TPH1: variants seen among roughly 807,000 people sequenced by gnomAD.
The protein encoded by TPH1 is tryptophan 5-hydroxylase 1.
A neutral mutation model predicts 49.5 loss-of-function variants in TPH1; 37 were observed. The observed-to-expected ratio is 0.75, with a 90% CI of 0.58 to 0.98. The LOEUF (loss-of-function observed/expected upper bound fraction) is 0.98. TPH1 is among the 50% of genes least tolerant of loss of function. TPH1 has a pLI of 0.00. For synonymous variants in TPH1, 160 were observed against 182.1 expected (o/e 0.88, Z 0.98); for missense variants, 487 against 523.6 (o/e 0.93, Z 0.68).
rs371274465 is a variant in TPH1 at position 18,026,533 on chromosome 11, G to C, written c.760C>G (p.Gln254Glu). The C allele has an allele frequency of 1.4e-5, 23 of 1,612,756 alleles. No individual in the cohort carries two copies. The highest frequency in any genetic ancestry group is 1.8e-5 in the Non-Finnish European group (21 of 1,179,414). Residue 254 changes from glutamine to glutamate, a missense_variant, in exon 7 of 11, where the codon CAA becomes GAA. Gln to Glu is a conservative substitution (Grantham distance 29). Transcript: ENST00000682019. ...GGATCTGAACTGTGTCTCACATATT[G>C]AGTGCAGTGAAAAACTCGAAAGGCT... is the stretch of plus-strand genomic sequence containing the variant. ...GLAFRVFHCTQYVRHSSDPFY... is the reference protein window; with the variant it reads ...GLAFRVFHCTEYVRHSSDPFY...
At chr11:18,026,416 A>G in intron 7 of TPH1, 74 bp downstream of exon 7, 1 of 1,239,418 alleles carries the variant, frequency 8.1e-7, no homozygotes, top group Non-Finnish European at 1.1e-6. Flanking sequence ...AAAAAAAAAA[A>G]AGAACCCATA....
At chr11:18,021,387 T>A (rs1344189137) in intron 10 of TPH1, among the ~76,000 whole-genome samples, 2 of 152,174 alleles carry the variant, frequency 1.3e-5, no homozygotes, top group Non-Finnish European at 2.9e-5. Context: ...TATAAGTACT[T>A]TACATTATAA....
In TPH1 at chr11:18,022,826, T is replaced by A. The variant is rs1246205105; in HGVS notation, c.1132A>T (p.Ser378Cys). 56 of 1,613,340 alleles carry A rather than the reference T, an allele frequency of 3.5e-5. No homozygotes were observed. In the Admixed American group the frequency reaches 8.5e-4, roughly 25 times the overall value. ...ATCTTCTCCTTTGCATCTTCAAAAC[T>A]TTCAGATACAAAGTAGACATCTTGA... Reference protein sequence around the residue: ...TFQDVYFVSESFEDAKEKMRE... With the variant: ...TFQDVYFVSECFEDAKEKMRE... Residue 378 changes from serine (S) to cysteine (C), a missense_variant, in exon 10 of 11, where the codon AGT becomes TGT. Transcript: ENST00000682019.
rs1251488461 is a variant in TPH1, at chr11:18,019,087, T to TA, written c.*1903dup. The TA allele has an allele frequency of 2.0e-5, 3 of 152,330 alleles. No homozygotes were observed. Among genetic ancestry groups the TA allele is most frequent in the Non-Finnish European group, 4.4e-5 (3 of 68,138 alleles). 9.4% of individuals were successfully genotyped at this position (152,330 alleles called of 1,614,324 possible). A position where few individuals can be genotyped will look rare whatever the true frequency, so the allele number is the denominator to read the frequency against. On this transcript the variant is annotated 3_prime_UTR_variant, in exon 11 of 11. Coordinates refer to ENST00000682019, the MANE Select transcript of TPH1 (RefSeq NM_004179.3). The stretch of plus-strand genomic sequence containing the variant: ...ATCTATTTACCATCAAATGTATACT[T>TA]AAGAGTTGATTAGCTATTAAAATGT...
intron 2 of TPH1, among the ~76,000 whole-genome samples, chr11:18,038,527 C>A (rs1282182474): frequency 1.3e-5 from 2 of 152,094 alleles, no homozygotes; most frequent in Non-Finnish European, 2.9e-5. Context: ...AACATGAGAG[C>A]AGCTCTCTAT....
chr11:18,033,366 T>A lies in TPH1; in HGVS notation c.310A>T (p.Thr104Ser). 1 of 1,609,854 alleles carries A rather than the reference T, an allele frequency of 6.2e-7. No individual in the cohort carries two copies. Among genetic ancestry groups the A allele is most frequent in the Non-Finnish European group, 8.5e-7 (1 of 1,176,596 alleles). ...ATCTTCTTTGGAAACCAAGGAACAG[T>A]TTCCATACCTGTAAAATTTAAAATA... ...NFTLKEDGMETVPWFPKKISD... is the reference protein window; with the variant it reads ...NFTLKEDGMESVPWFPKKISD... The change falls in exon 4 of 11, where the codon ACT (threonine) becomes TCT (serine). Residue 104 changes from threonine (T) to serine (S), a missense_variant. Physicochemically the swap from Thr to Ser is moderately conservative, Grantham distance 58 (BLOSUM62 1). Coordinates refer to ENST00000682019, the MANE Select transcript of TPH1 (RefSeq NM_004179.3).
intron 7 of TPH1, 61 bp downstream of exon 7, chr11:18,026,429 G>A: frequency 8.1e-7 from 1 of 1,231,870 alleles, no homozygotes; most frequent in African/African-American, 1.6e-5. Flanking sequence ...AACCCATAAG[G>A]TAGATGCCAT....
At chr11:18,043,603 A>AAAAAAC (rs1214543021) in intron 1 of TPH1, among the ~76,000 whole-genome samples, 1 of 150,236 alleles carries the variant, frequency 6.7e-6, no homozygotes, top group African/African-American at 2.5e-5. Context: ...ACTCCGTCTC[A>AAAAAAC]AAAAACAAAA....
Position 18,020,884 on chromosome 11 carries a change from G to C in TPH1, c.*107C>G. 9.5e-7 allele frequency: 1 copy of C among 1,047,474 alleles called. No individual in the cohort carries two copies. 64.9% of individuals were successfully genotyped at this position (1,047,474 alleles called of 1,614,324 possible). ...TTAAGTAGTGGAATTCGATAATATT[G>C]TTTGGCCAGAAGATGCTGTCCCTCC... On this transcript the variant is annotated 3_prime_UTR_variant, in exon 11 of 11. Coordinates refer to ENST00000682019, the MANE Select transcript of TPH1 (RefSeq NM_004179.3).
Position 18,026,479 on chromosome 11 carries a change from G to C in TPH1, c.803+11C>G. The C allele has an allele frequency of 6.4e-7, 1 of 1,567,540 alleles. No individual in the cohort carries two copies. Among genetic ancestry groups the C allele is most frequent in the Non-Finnish European group, 8.7e-7 (1 of 1,151,408 alleles). ...ATTTGATGAATTCCTGGCTGAAATA[G>C]AAGTACTTACGGCTCTGGGGTATAG... On this transcript the variant is annotated intron_variant, in intron 7 of 10. Coordinates refer to ENST00000682019, the MANE Select transcript of TPH1 (RefSeq NM_004179.3).
intron 6 of TPH1, 125 bp from the exon 7 acceptor site, chr11:18,026,750 T>C (rs1847933438): frequency 8.5e-7 from 1 of 1,183,346 alleles, no homozygotes; most frequent in Admixed American, 1.9e-5. Context: ...TAATTTATCA[T>C]ATGCATATTA....
chr11:18,038,632 T>C (rs1402846345), intron 2 of TPH1, among the ~76,000 whole-genome samples: 2 of 152,162 alleles, frequency 1.3e-5, no homozygotes, highest in African/African-American at 2.4e-5. Flanking sequence ...ATTTAATGAG[T>C]GTGATTAACT....
chr11:18,031,192 C>T (rs1847987622), intron 4 of TPH1, among the ~76,000 whole-genome samples: 1 of 152,204 alleles, frequency 6.6e-6, no homozygotes. Flanking sequence ...CTATTCTAGA[C>T]ATTTCATATA....
At chr11:18,040,431 A>G (rs1343190284) in intron 2 of TPH1, among the ~76,000 whole-genome samples, 1 of 150,968 alleles carries the variant, frequency 6.6e-6, no homozygotes, top group Non-Finnish European at 1.5e-5. Flanking sequence ...TGGTGTGATC[A>G]TAGCTCACTC....
At chr11:18,035,403 T>TTTTC (rs10655479) in intron 3 of TPH1, among the ~76,000 whole-genome samples, 135,020 of 136,248 alleles carry the variant, frequency 0.99, 66,896 homozygotes, top group Middle Eastern at 1. Context: ...TTTCTTTCTT[T>TTTTC]TTTCTTTCTT....
chr11:18,032,980 T>C (rs1021368092), intron 4 of TPH1, among the ~76,000 whole-genome samples: 4 of 152,040 alleles, frequency 2.6e-5, no homozygotes, highest in African/African-American at 9.7e-5. Flanking sequence ...ACTTACTGGG[T>C]GATAGTTTAT....
rs1854350853 is a variant in TPH1 at position 18,020,800 on chromosome 11, C to CA, written c.*190dup. On this transcript the variant is annotated 3_prime_UTR_variant, in exon 11 of 11. Transcript: ENST00000682019. ...AAAAAAAAAAAGAAATAAAACTAAA[C>CA]AAAAAAATAAGTGGTAAATAGAATA... is the stretch of plus-strand genomic sequence containing the variant. 3.7e-6 allele frequency: 2 copies of CA among 547,080 alleles called. No homozygotes were observed. The highest frequency in any genetic ancestry group is 6.4e-6 in the Non-Finnish European group (2 of 310,724). 33.9% of individuals were successfully genotyped at this position (547,080 alleles called of 1,614,324 possible).
Position 18,033,380 on chromosome 11 carries a change from A to C in TPH1, c.302-6T>G. 1 of 1,589,286 alleles carries C rather than the reference A, an allele frequency of 6.3e-7. No individual in the cohort carries two copies. Among genetic ancestry groups the C allele is most frequent in the Non-Finnish European group, 8.6e-7 (1 of 1,158,610 alleles). Reference sequence around the variant, plus strand: ...CCAAGGAACAGTTTCCATACCTGTAAAATTTAAAATAAAATAAAATAAAAA... The same window carrying C: ...CCAAGGAACAGTTTCCATACCTGTACAATTTAAAATAAAATAAAATAAAAA... On this transcript the variant is annotated splice_region_variant and splice_polypyrimidine_tract_variant and intron_variant, in intron 3 of 10. Coordinates refer to ENST00000682019, the MANE Select transcript of TPH1 (RefSeq NM_004179.3).
At chr11:18,044,002 T>C (rs1316349839) in intron 1 of TPH1, among the ~76,000 whole-genome samples, 1 of 152,198 alleles carries the variant, frequency 6.6e-6, no homozygotes, top group Non-Finnish European at 1.5e-5. Context: ...CTTTACCTGA[T>C]TCTGGAATGG....
Sources: gnomAD v4.1 joint callset for allele counts (sites outside exome capture counted in the v4.1 genomes callset) on GRCh38, gnomAD v4.1.1 for gene constraint, MANE v1.5 for transcripts, NCBI Gene and HGNC (gene_info 2026-07-23, HGNC 2026-07-21) for gene names.